Variants in GALNTL6 observed in about 807,000 individuals in gnomAD.
GALNTL6 encodes the protein polypeptide N-acetylgalactosaminyltransferase like 6.
A neutral mutation model predicts 73.7 loss-of-function variants in GALNTL6; 46 were observed. The observed-to-expected ratio is 0.62, with a 90% confidence interval of 0.49 to 0.80. GALNTL6 has a LOEUF of 0.80. GALNTL6 is among the 30% of genes least tolerant of loss of function. The probability of loss-of-function intolerance (pLI) is 0.00; values close to 1 mark genes in which losing one functional copy is unlikely to be tolerated. For missense variants in GALNTL6, 604 were observed against 755.0 expected, an observed-to-expected ratio of 0.80 and a Z score of 2.34; for synonymous variants, 259 against 263.7, an observed-to-expected ratio of 0.98 and a Z score of 0.17.
chr4:172,625,765 T>A (rs1013955970), intron 5 of GALNTL6, among the ~76,000 whole-genome samples: 2 of 152,150 alleles, frequency 1.3e-5, no homozygotes, highest in African/African-American at 2.4e-5. Flanking sequence ...TACAATTATC[T>A]TATGATTAGT....
At chr4:171,948,096 A>G (rs1045373308) in intron 2 of GALNTL6, among the ~76,000 whole-genome samples, 2 of 152,206 alleles carry the variant, frequency 1.3e-5, no homozygotes, top group African/African-American at 4.8e-5. Flanking sequence ...CACAGCAACA[A>G]AGACATAACA....
chr4:172,122,418 T>C (rs1334196962), intron 2 of GALNTL6, among the ~76,000 whole-genome samples: 2 of 152,186 alleles, frequency 1.3e-5, no homozygotes, highest in Non-Finnish European at 2.9e-5. Context: ...TGAATGTTTC[T>C]GGTTATGGCA....
intron 5 of GALNTL6, among the ~76,000 whole-genome samples, chr4:172,518,534 T>C (rs1734680956): frequency 6.6e-6 from 1 of 151,988 alleles, no homozygotes; most frequent in Non-Finnish European, 1.5e-5. Flanking sequence ...CTGCAGAGTA[T>C]AAAACATTCT....
At chr4:172,382,761 T>A (rs550092610) in intron 5 of GALNTL6, among the ~76,000 whole-genome samples, 6 of 152,152 alleles carry the variant, frequency 3.9e-5, no homozygotes, top group Non-Finnish European at 8.8e-5. Context: ...CAATTTAGGT[T>A]CATTTTTGCC....
intron 3 of GALNTL6, among the ~76,000 whole-genome samples, chr4:172,273,110 A>T (rs1464905346): frequency 3.3e-5 from 5 of 152,212 alleles, no homozygotes; most frequent in African/African-American, 1.2e-4. Flanking sequence ...TTATCCTCAA[A>T]CACATATAAT....
chr4:171,963,598 T>C (rs1205113788), intron 2 of GALNTL6, among the ~76,000 whole-genome samples: 1 of 152,206 alleles, frequency 6.6e-6, no homozygotes, highest in Non-Finnish European at 1.5e-5. Context: ...GTTCTCTATA[T>C]GAAGTAGAAA....
chr4:171,859,703 C>A (rs1049088264), intron 2 of GALNTL6, among the ~76,000 whole-genome samples: 1 of 152,170 alleles, frequency 6.6e-6, no homozygotes, highest in Non-Finnish European at 1.5e-5. Context: ...ACAGCACATG[C>A]TAAGTGTCAT....
intron 5 of GALNTL6, among the ~76,000 whole-genome samples, chr4:172,369,224 G>T (rs1742692660): frequency 6.6e-6 from 1 of 152,152 alleles, no homozygotes; most frequent in Non-Finnish European, 1.5e-5. Context: ...GTGCTGACTG[G>T]TGCATTTACA....
chr4:171,943,595 T>A (rs1382651622), intron 2 of GALNTL6, among the ~76,000 whole-genome samples: 1 of 152,212 alleles, frequency 6.6e-6, no homozygotes, highest in Non-Finnish European at 1.5e-5. Flanking sequence ...CTTACTTTTC[T>A]CAAGGCAATG....
chr4:172,179,685 C>G (rs1386680254), intron 2 of GALNTL6, among the ~76,000 whole-genome samples: 1 of 149,970 alleles, frequency 6.7e-6, no homozygotes, highest in Non-Finnish European at 1.5e-5. Context: ...TCAATTTTGG[C>G]TTTTGTTGCC....
intron 5 of GALNTL6, among the ~76,000 whole-genome samples, chr4:172,380,758 A>T (rs1180697361): frequency 6.6e-6 from 1 of 152,204 alleles, no homozygotes; most frequent in Non-Finnish European, 1.5e-5. Flanking sequence ...CTACAGTCAT[A>T]TTCAATTGTT....
chr4:172,314,467 C>T (rs1740471724), intron 4 of GALNTL6, among the ~76,000 whole-genome samples: 1 of 151,968 alleles, frequency 6.6e-6, no homozygotes, highest in African/African-American at 2.4e-5. Context: ...TATTTAAGTG[C>T]TCTGTACTCT....
Position 172,300,880 on chromosome 4 carries a change from C to T in GALNTL6, c.248-10734C>T, listed in dbSNP as rs561578454. Among the ~76,000 whole-genome samples, 26 of 152,150 alleles carry T rather than the reference C, an allele frequency of 1.7e-4. No homozygotes were observed. The East Asian group carries it at 5.0e-3, about 29-fold the overall frequency. ...CTCTTCTCGAGGAGTATCTTTGTGG[C>T]ATTCTCTGTATTTCCTGAATTTGAA... On this transcript the variant is annotated intron_variant, in intron 3 of 12. Coordinates refer to ENST00000506823, the MANE Select transcript of GALNTL6 (RefSeq NM_001034845.3).
chr4:172,451,834 A>G (rs552787062), intron 5 of GALNTL6, among the ~76,000 whole-genome samples: 1 of 152,146 alleles, frequency 6.6e-6, no homozygotes, highest in Admixed American at 6.5e-5. Flanking sequence ...GGAGAGACCC[A>G]GTCTCTATAA....
intron 9 of GALNTL6, among the ~76,000 whole-genome samples, chr4:172,935,262 G>A (rs1748550288): frequency 6.6e-6 from 1 of 152,176 alleles, no homozygotes; most frequent in Non-Finnish European, 1.5e-5. Flanking sequence ...CCCCTAGTCT[G>A]TAAGAAACAT....
At chr4:172,927,104 A>T (rs944153428) in intron 8 of GALNTL6, among the ~76,000 whole-genome samples, 25 of 152,322 alleles carry the variant, frequency 1.6e-4, no homozygotes, top group Admixed American at 5.9e-4. Context: ...AGGGCCTCAG[A>T]ATCCTCCTCT....
At chr4:172,301,530 G>T (rs531695867) in intron 3 of GALNTL6, among the ~76,000 whole-genome samples, 2 of 152,050 alleles carry the variant, frequency 1.3e-5, no homozygotes, top group Non-Finnish European at 2.9e-5. Context: ...TGATGGTGAC[G>T]TACAGATGGG....
intron 5 of GALNTL6, among the ~76,000 whole-genome samples, chr4:172,557,028 A>G (rs1200036676): frequency 6.6e-6 from 1 of 152,162 alleles, no homozygotes; most frequent in Non-Finnish European, 1.5e-5. Flanking sequence ...TCTCCACAGA[A>G]CATGAATGTT....
chr4:172,169,775 A>C (rs369119742), intron 2 of GALNTL6, among the ~76,000 whole-genome samples: 109 of 152,340 alleles, frequency 7.2e-4, no homozygotes, highest in African/African-American at 2.5e-3. Context: ...GAGATACTAA[A>C]ACACAGAATG....
Sources: gnomAD v4.1 joint callset for allele counts (sites outside exome capture counted in the v4.1 genomes callset) on GRCh38, gnomAD v4.1.1 for gene constraint, MANE v1.5 for transcripts, NCBI Gene and HGNC (gene_info 2026-07-23, HGNC 2026-07-21) for gene names.